SYNPO2: variants seen among roughly 807,000 people sequenced by gnomAD.
SYNPO2 encodes the protein synaptopodin-2.
SYNPO2 carries 56 observed loss-of-function variants against 85.0 expected under a neutral mutation model. The observed-to-expected ratio is 0.66, with a 90% CI of 0.53 to 0.82. The LOEUF is 0.82. Ranked by LOEUF, SYNPO2 falls within the 40% of genes least tolerant of loss-of-function variation. SYNPO2 has a pLI of 0.00. For missense variants in SYNPO2, 1,575 were observed against 1,534.2 expected, an observed-to-expected ratio of 1.03 and a Z score of -0.44; for synonymous variants, 602 against 591.1, an observed-to-expected ratio of 1.02 and a Z score of -0.27.
At position 119,032,269 on chromosome 4, in the gene SYNPO2, A is replaced by G. The variant is rs567030685; in HGVS notation, c.3252+242A>G. The G allele has an allele frequency of 5.7e-6, 8 of 1,403,392 alleles. No individual in the cohort carries two copies. The South Asian group carries it at 1.1e-4, about 20-fold the overall frequency. 86.9% of individuals were successfully genotyped at this position (1,403,392 alleles called of 1,614,324 possible). A position where few individuals can be genotyped will look rare whatever the true frequency, so the allele number is the denominator to read the frequency against. On this transcript the variant is annotated intron_variant, in intron 4 of 4. Transcript: ENST00000307142. ...TATTTATCTTCTTTGCACACTTAAA[A>G]AATCCAGGAGCACCCCAAAATAGAC...
chr4:118,912,007 C>T (rs1025297458), intron 1 of SYNPO2, among the ~76,000 whole-genome samples: 1 of 152,094 alleles, frequency 6.6e-6, no homozygotes, highest in Non-Finnish European at 1.5e-5. Flanking sequence ...TTAATGGGCT[C>T]ATAAAATCTT....
At chr4:118,939,788 ACATATG>A (rs1734237489) in intron 1 of SYNPO2, among the ~76,000 whole-genome samples, 1 of 152,196 alleles carries the variant, frequency 6.6e-6, no homozygotes, top group Non-Finnish European at 1.5e-5. Flanking sequence ...TTAAAAATTT[ACATATG>A]CTGCCTGACT....
chr4:118,958,626 A>C (rs1342625298), intron 1 of SYNPO2, among the ~76,000 whole-genome samples: 2 of 93,200 alleles, frequency 2.1e-5, no homozygotes, highest in Non-Finnish European at 5.5e-5. Flanking sequence ...GATGATCCTG[A>C]GTAACTCTGC....
At chr4:119,047,384 A>G (rs1738904305) in intron 4 of SYNPO2, among the ~76,000 whole-genome samples, 1 of 152,216 alleles carries the variant, frequency 6.6e-6, no homozygotes, top group South Asian at 2.1e-4. Context: ...ACAACATGTG[A>G]TTACTTGGCC....
At chr4:118,946,352 C>G (rs1734504186) in intron 1 of SYNPO2, among the ~76,000 whole-genome samples, 1 of 152,200 alleles carries the variant, frequency 6.6e-6, no homozygotes, top group Admixed American at 6.5e-5. Flanking sequence ...AAAAGCAACA[C>G]TCTTGACAAA....
At chr4:119,051,187 T>TGTTTTTTG (rs1553950325) in intron 4 of SYNPO2, among the ~76,000 whole-genome samples, 31 of 4,376 alleles carry the variant, frequency 7.1e-3, no homozygotes, top group African/African-American at 0.012. Flanking sequence ...TGGGAAGCAA[T>TGTTTTTTG]TTTTTTTTTT....
intron 1 of SYNPO2, among the ~76,000 whole-genome samples, chr4:118,908,340 T>C (rs995940336): frequency 6.6e-6 from 1 of 152,184 alleles, no homozygotes; most frequent in African/African-American, 2.4e-5. Context: ...CAGATTTCTT[T>C]TGGCTGATAA....
At chr4:118,916,420 C>G (rs923354477) in intron 1 of SYNPO2, among the ~76,000 whole-genome samples, 2 of 151,706 alleles carry the variant, frequency 1.3e-5, no homozygotes, top group African/African-American at 2.4e-5. Flanking sequence ...TGATCCACCC[C>G]CCTCAGCCTC....
At chr4:118,921,052 G>A (rs774128381) in intron 1 of SYNPO2, among the ~76,000 whole-genome samples, 7 of 151,904 alleles carry the variant, frequency 4.6e-5, no homozygotes, top group Non-Finnish European at 7.4e-5. Flanking sequence ...CTACAAGCGC[G>A]CATCAACACG....
intron 1 of SYNPO2, among the ~76,000 whole-genome samples, chr4:118,909,723 G>A (rs760294522): frequency 1.3e-5 from 2 of 152,194 alleles, no homozygotes; most frequent in Non-Finnish European, 2.9e-5. Flanking sequence ...TGCTGCATCT[G>A]CTGCCGGGGC....
chr4:119,039,822 T>C (rs942255728), intron 4 of SYNPO2, among the ~76,000 whole-genome samples: 1 of 152,180 alleles, frequency 6.6e-6, no homozygotes, highest in African/African-American at 2.4e-5. Flanking sequence ...TTTTTTTTAA[T>C]TTAGGAAAAG....
intron 1 of SYNPO2, among the ~76,000 whole-genome samples, chr4:119,022,174 T>C (rs1458985441): frequency 1.3e-5 from 2 of 152,214 alleles, no homozygotes; most frequent in Non-Finnish European, 2.9e-5. Flanking sequence ...CATTTAGCTA[T>C]ACAGCTCTCT....
intron 1 of SYNPO2, among the ~76,000 whole-genome samples, chr4:118,988,778 C>T (rs112650855): frequency 0.01 from 1,564 of 152,184 alleles, 26 homozygotes; most frequent in African/African-American, 0.036. Context: ...CTTGGCTTTG[C>T]CCAAGCACAG....
intron 1 of SYNPO2, among the ~76,000 whole-genome samples, chr4:118,866,896 C>CTGGACTGGGTGA (rs1560804500): frequency 6.6e-6 from 1 of 152,128 alleles, no homozygotes; most frequent in Non-Finnish European, 1.5e-5. Flanking sequence ...TCAGGTAGTT[C>CTGGACTGGGTGA]TTTATAGCTG....
intron 2 of SYNPO2, 90 bp from the exon 3 acceptor site, chr4:119,026,537 C>A: frequency 7.4e-7 from 1 of 1,350,512 alleles, no homozygotes; most frequent in Non-Finnish European, 1.0e-6. Context: ...GACTATATCA[C>A]ATATTAGACA....
chr4:118,888,875 C>G lies in SYNPO2; in HGVS notation c.-162C>G. On this transcript the variant is annotated 5_prime_UTR_variant, in exon 1 of 5. Coordinates refer to ENST00000307142, the MANE Select transcript of SYNPO2 (RefSeq NM_133477.3). The stretch of plus-strand genomic sequence containing the variant: ...AGCCGCACAAATTCGCAGCAGGCGG[C>G]TGGGGCGGCGGCTGGGGCAGCGGCT... The G allele has an allele frequency of 2.8e-6, 2 of 708,754 alleles. No individual in the cohort carries two copies. The highest frequency in any genetic ancestry group is 3.4e-5 in the South Asian group (2 of 59,154). 43.9% of individuals were successfully genotyped at this position (708,754 alleles called of 1,614,324 possible). A position where few individuals can be genotyped will look rare whatever the true frequency, so the allele number is the denominator to read the frequency against.
At chr4:118,968,147 A>C (rs1361307361) in intron 1 of SYNPO2, among the ~76,000 whole-genome samples, 1 of 152,198 alleles carries the variant, frequency 6.6e-6, no homozygotes, top group African/African-American at 2.4e-5. Flanking sequence ...GATGTAGAAC[A>C]AAGAGAGCAG....
At chr4:118,965,986 T>C (rs1735304452) in intron 1 of SYNPO2, among the ~76,000 whole-genome samples, 1 of 151,738 alleles carries the variant, frequency 6.6e-6, no homozygotes, top group African/African-American at 2.4e-5. Flanking sequence ...GCCCAGGAGG[T>C]TGAAGTTGCT....
At chr4:118,911,428 C>G (rs1478199640) in intron 1 of SYNPO2, among the ~76,000 whole-genome samples, 1 of 152,150 alleles carries the variant, frequency 6.6e-6, no homozygotes, top group East Asian at 1.9e-4. Flanking sequence ...TCTTTGCTTT[C>G]CCCGATTCAC....
Sources: allele counts gnomAD v4.1 joint callset (sites outside exome capture counted in the v4.1 genomes callset), GRCh38; gene constraint gnomAD v4.1.1; transcripts MANE v1.5; gene names NCBI Gene and HGNC (gene_info 2026-07-23, HGNC 2026-07-21).